SAMD9: variants seen among roughly 807,000 people sequenced by gnomAD.
SAMD9 encodes sterile alpha motif domain containing 9.
In SAMD9, 3 loss-of-function variants were observed where a neutral mutation model predicts 1.5. The ratio of observed to expected loss-of-function variants is 2.05; its 90% CI spans 0.93 to 5.29. The LOEUF (loss-of-function observed/expected upper bound fraction) is 5.29. Among genes scored for constraint, SAMD9 ranks in the 30% most tolerant of loss-of-function variants. SAMD9 has a pLI of 0.02. For synonymous variants in SAMD9, 635 were observed against 631.9 expected, an observed-to-expected ratio of 1.00 and a Z score of -0.07; for missense variants, 1,597 against 1,820.8, an observed-to-expected ratio of 0.88 and a Z score of 2.24.
At position 93,116,522 on chromosome 7, in the gene SAMD9, T is replaced by A. The variant is rs188616497; in HGVS notation, c.-110+1341A>T. On this transcript the variant is annotated intron_variant, in intron 1 of 2. Transcript: ENST00000379958. ...AGCTGTGCCTTTCAATACATTATTTTAAAAAAATTGTTGATGATGTCACTC... is the reference window on the plus strand; with the variant it reads ...AGCTGTGCCTTTCAATACATTATTTAAAAAAAATTGTTGATGATGTCACTC... 1.9e-3 allele frequency among the ~76,000 whole-genome samples: 293 copies of A among 152,302 alleles called. 2 individuals are homozygous for A. Among genetic ancestry groups the A allele is most frequent in the African/African-American group, 6.5e-3 (270 of 41,564 alleles).
In SAMD9 at chr7:93,101,791, G is replaced by C. The variant is rs1426433587; in HGVS notation, c.4307C>G (p.Ser1436Cys). Reference sequence around the variant, plus strand: ...TTGATTTTCTGGCCAGAATAAGAGGGAAGCTAGAAAATACGGTTCTGAAAA... The same window carrying C: ...TTGATTTTCTGGCCAGAATAAGAGGCAAGCTAGAAAATACGGTTCTGAAAA... ...YQFSEPYFLASLLFWPENQQL... is the reference protein window; with the variant it reads ...YQFSEPYFLACLLFWPENQQL... Residue 1436 changes from serine (S) to cysteine (C), a missense_variant, in exon 3 of 3, where the codon TCC (serine) becomes TGC (cysteine). Physicochemically the swap from Ser to Cys is moderately radical, Grantham distance 112. Transcript: ENST00000379958. 6.2e-7 allele frequency: 1 copy of C among 1,613,674 alleles called. No individual in the cohort carries two copies. Among genetic ancestry groups the C allele is most frequent in the Non-Finnish European group, 8.5e-7 (1 of 1,179,750 alleles).
At chr7:93,115,927 A>G (rs1305030069) in intron 1 of SAMD9, among the ~76,000 whole-genome samples, 2 of 152,222 alleles carry the variant, frequency 1.3e-5, no homozygotes, top group Non-Finnish European at 2.9e-5. Flanking sequence ...ACCCTCGTCT[A>G]GTAACCATTC....
At position 93,111,265 on chromosome 7, in the gene SAMD9, A is replaced by C. The variant is rs556646830; in HGVS notation, c.-9+3530T>G. On this transcript the variant is annotated intron_variant, in intron 2 of 2. Transcript: ENST00000379958. ...GATGTTCTTTGAAACCAACAAGAAC[A>C]AAGACACAACATACCAGAATCTCTG... Among the ~76,000 whole-genome samples, 90 of 152,370 alleles carry C rather than the reference A, an allele frequency of 5.9e-4. 1 individual carries two copies. Among genetic ancestry groups the C allele is most frequent in the African/African-American group, 1.9e-3 (79 of 41,582 alleles).
intron 2 of SAMD9, among the ~76,000 whole-genome samples, chr7:93,112,860 T>C (rs1483449900): frequency 6.6e-6 from 1 of 152,210 alleles, no homozygotes; most frequent in Non-Finnish European, 1.5e-5. Flanking sequence ...ATCAATATCA[T>C]GAAAATGGCC....
At chr7:93,106,203 AG>A in intron 2 of SAMD9, 98 bp from the exon 3 acceptor site, 1 of 739,102 alleles carries the variant, frequency 1.4e-6, no homozygotes. Context: ...AAATTTAAAA[AG>A]CTCAAAAGGA....
chr7:93,105,003 A>G lies in SAMD9; in HGVS notation c.1095T>C (p.Asp365=). 1 of 1,613,706 alleles carries G rather than the reference A, an allele frequency of 6.2e-7. No homozygotes were observed. Among genetic ancestry groups the G allele is most frequent in the African/African-American group, 1.3e-5 (1 of 75,018 alleles). The change falls in exon 3 of 3, where the codon GAT becomes GAC. Residue 365 remains aspartate, a synonymous_variant. Transcript: ENST00000379958. ...TTCTGGACTCTGCCAGTGTTTTAAAATCTGCTTTAAATGCTCTGAAATCAA... is the reference window on the plus strand; with the variant it reads ...TTCTGGACTCTGCCAGTGTTTTAAAGTCTGCTTTAAATGCTCTGAAATCAA... ...NKVDFRAFKA[D]FKTLAESRKA...
intron 2 of SAMD9, among the ~76,000 whole-genome samples, chr7:93,110,898 G>T (rs984012417): frequency 6.6e-6 from 1 of 152,098 alleles, no homozygotes; most frequent in Non-Finnish European, 1.5e-5. Context: ...ACAGATCCAC[G>T]AGACAGAAAG....
rs1188289738 is a variant in SAMD9, at chr7:93,101,382, A to G, written c.4716T>C (p.Phe1572=). ...RSGRSIEKVS[F]YLGFSIGGPL... ...GGCCTCCAATGGAAAATCCCAGGTA[A>G]AAAGACACCTTCTCTATGCTTCTGC... Residue 1572 remains phenylalanine (F), a synonymous_variant, in exon 3 of 3, where the codon TTT becomes TTC. Coordinates refer to ENST00000379958, the MANE Select transcript of SAMD9 (RefSeq NM_017654.4). The G allele has an allele frequency of 6.2e-7, 1 of 1,613,692 alleles. No individual in the cohort carries two copies. Among genetic ancestry groups the G allele is most frequent in the African/African-American group, 1.3e-5 (1 of 75,036 alleles).
rs2116421538 is a variant in SAMD9, at chr7:93,105,285, A to T, written c.813T>A (p.Tyr271Ter). ...CTTGTTGGACTTGATGGTCTTCAAA[A>T]TACTTGTTTATCATCAGATTGAAAT... is the stretch of plus-strand genomic sequence containing the variant. The part of the protein sequence containing the change: ...INHFNLMINK[Y>*]FEDHQVQQAK... Residue 271 changes from tyrosine to a stop codon, truncating the protein, a stop_gained, in exon 3 of 3, where the codon TAT becomes TAA. Transcript: ENST00000379958. LOFTEE classifies it low-confidence loss of function (END_TRUNC). 2 of 1,613,968 alleles carry T rather than the reference A, an allele frequency of 1.2e-6. No individual in the cohort carries two copies. The highest frequency in any genetic ancestry group is 4.5e-5 in the East Asian group (2 of 44,832).
chr7:93,105,824 T>C lies in SAMD9; in HGVS notation c.274A>G (p.Ser92Gly). The C allele has an allele frequency of 1.2e-6, 2 of 1,614,188 alleles. No individual in the cohort carries two copies. The highest frequency in any genetic ancestry group is 1.7e-6 in the Non-Finnish European group (2 of 1,180,022). Residue 92 changes from serine to glycine, a missense_variant, in exon 3 of 3, where the codon AGT (serine) becomes GGT (glycine). This residue lies in a region of SAMD9 where 498 missense variants were observed against 457.4 expected (regional missense o/e 1.09). Coordinates refer to ENST00000379958, the MANE Select transcript of SAMD9 (RefSeq NM_017654.4). ...GTTTGGTCTTTAGGAGCATTTTTAC[T>C]GGGCTTTCCCATCTTAGATGTCTGA... Reference protein sequence around the residue: ...SIQTSKMGKPSKNAPKDQTVS... With the variant: ...SIQTSKMGKPGKNAPKDQTVS...
Position 93,105,863 on chromosome 7 carries a change from T to C in SAMD9, c.235A>G (p.Ile79Val). 2 of 1,614,160 alleles carry C rather than the reference T, an allele frequency of 1.2e-6. No individual in the cohort carries two copies. The highest frequency in any genetic ancestry group is 2.2e-5 in the East Asian group (1 of 44,864). The part of the protein sequence containing the change: ...ELFKELRKTA[I>V]EDSIQTSKMG... ...TTAGATGTCTGAATCGAATCTTCAA[T>C]GGCTGTTTTCCGCAATTCTTTGAAT... is the stretch of plus-strand genomic sequence containing the variant. The change falls in exon 3 of 3, where the codon ATT (isoleucine) becomes GTT (valine). Residue 79 changes from isoleucine (I) to valine (V), a missense_variant. This residue lies in a region of SAMD9 where 498 missense variants were observed against 457.4 expected (regional missense o/e 1.09). Transcript: ENST00000379958.
At position 93,105,790 on chromosome 7, in the gene SAMD9, T is replaced by C. The variant is rs770425514; in HGVS notation, c.308A>G (p.Gln103Arg). ...CTTTGAAGTTTCTCTACGTTCCTTT[T>C]GAGACACAGTTTGGTCTTTAGGAGC... ...KNAPKDQTVS[Q>R]KERRETSKQK... Residue 103 changes from glutamine (Q) to arginine (R), a missense_variant, in exon 3 of 3, where the codon CAA becomes CGA. Transcript: ENST00000379958. The C allele has an allele frequency of 2.5e-6, 4 of 1,614,188 alleles. No homozygotes were observed. In the Admixed American group the frequency reaches 5.0e-5, roughly 20 times the overall value.
Position 93,101,480 on chromosome 7 carries a change from A to G in SAMD9, c.4618T>C (p.Tyr1540His), listed in dbSNP as rs554366252. ...LQGRAENNCL[Y>H]IEYGINEKIT... Reference sequence around the variant, plus strand: ...TTTTCATTGATTCCATATTCTATATATAAACAATTGTTTTCAGCTCGACCT... The same window carrying G: ...TTTTCATTGATTCCATATTCTATATGTAAACAATTGTTTTCAGCTCGACCT... The change falls in exon 3 of 3, where the codon TAT (tyrosine) becomes CAT (histidine). Residue 1540 changes from tyrosine (Y) to histidine (H), a missense_variant. Tyr to His is a moderately conservative substitution (Grantham distance 83, BLOSUM62 2). Around this residue, in one of 6 missense-constraint regions of SAMD9, gnomAD observed 682 missense variants for 810.0 expected, o/e 0.84. Coordinates refer to ENST00000379958, the MANE Select transcript of SAMD9 (RefSeq NM_017654.4). The G allele has an allele frequency of 1.9e-6, 3 of 1,613,846 alleles. No individual in the cohort carries two copies. The African/African-American group carries it at 4.0e-5, about 22-fold the overall frequency.
At chr7:93,107,076 T>C (rs1254232617) in intron 2 of SAMD9, among the ~76,000 whole-genome samples, 3 of 151,964 alleles carry the variant, frequency 2.0e-5, no homozygotes, top group African/African-American at 7.3e-5. Flanking sequence ...GTTTTGCTCT[T>C]GTTGCCCAGG....
intron 2 of SAMD9, among the ~76,000 whole-genome samples, chr7:93,112,875 T>C: frequency 6.6e-6 from 1 of 152,242 alleles, no homozygotes; most frequent in East Asian, 1.9e-4. Context: ...ATGGCCATAC[T>C]GCTCAAGGTA....
chr7:93,104,980 C>T lies in SAMD9; in HGVS notation c.1118G>A (p.Arg373Lys), dbSNP rs779529107. ...KADFKTLAES[R>K]KAAEEKFRAK... ...TCTGAATTTTTCTTCTGCTGCTTTT[C>T]TGGACTCTGCCAGTGTTTTAAAATC... Residue 373 changes from arginine to lysine, a missense_variant, in exon 3 of 3, where the codon AGA becomes AAA. Physicochemically the swap from Arg to Lys is conservative, Grantham distance 26 (BLOSUM62 2). Around this residue, in one of 6 missense-constraint regions of SAMD9, gnomAD observed 498 missense variants for 457.4 expected, o/e 1.09. Coordinates refer to ENST00000379958, the MANE Select transcript of SAMD9 (RefSeq NM_017654.4). 2 of 1,612,878 alleles carry T rather than the reference C, an allele frequency of 1.2e-6. No homozygotes were observed. Among genetic ancestry groups the T allele is most frequent in the East Asian group, 4.5e-5 (2 of 44,860 alleles).
chr7:93,104,819 G>T lies in SAMD9; in HGVS notation c.1279C>A (p.His427Asn). 1 of 1,613,492 alleles carries T rather than the reference G, an allele frequency of 6.2e-7. No individual in the cohort carries two copies. Among genetic ancestry groups the T allele is most frequent in the Non-Finnish European group, 8.5e-7 (1 of 1,179,740 alleles). The change falls in exon 3 of 3, where the codon CAC (histidine) becomes AAC (asparagine). Residue 427 changes from histidine (H) to asparagine (N), a missense_variant. By Grantham distance (68) the His-to-Asn change is moderately conservative. Transcript: ENST00000379958. Reference protein sequence around the residue: ...TNKCHPDQTKHLDFLKEIKWF... With the variant: ...TNKCHPDQTKNLDFLKEIKWF... ...TTAATTTCCTTCAGGAAATCTAAGT[G>T]TTTTGTTTGATCTGGGTGGCATTTA...
intron 2 of SAMD9, 21 bp from the exon 3 acceptor site, chr7:93,106,126 A>C: frequency 6.8e-7 from 1 of 1,464,608 alleles, no homozygotes; most frequent in Non-Finnish European, 9.2e-7. Flanking sequence ...AAAAAGAAAA[A>C]TTATTTAGTA....
chr7:93,106,555 A>G (rs1488510006), intron 2 of SAMD9, among the ~76,000 whole-genome samples: 1 of 152,384 alleles, frequency 6.6e-6, no homozygotes, highest in Non-Finnish European at 1.5e-5. Context: ...CATGATAGAC[A>G]TAGATAAAGT....
Sources: gnomAD v4.1 joint callset for allele counts (sites outside exome capture counted in the v4.1 genomes callset) on GRCh38, gnomAD v4.1.1 for gene constraint, gnomAD v4.1.1 regional missense constraint, MANE v1.5 for transcripts, NCBI Gene and HGNC (gene_info 2026-07-23, HGNC 2026-07-21) for gene names.